The following AP2S1 variants were observed in gnomAD, a reference collection of about 807,000 sequenced individuals.
AP2S1 encodes adaptor related protein complex 2 subunit sigma 1, also known as AP-2 complex subunit sigma.
A neutral mutation model predicts 21.0 loss-of-function variants in AP2S1; 6 were observed. The ratio of observed to expected loss-of-function variants is 0.29; its 90% CI spans 0.16 to 0.56. AP2S1 has a LOEUF of 0.56. Among genes scored for constraint, AP2S1 ranks in the 20% least tolerant of loss-of-function variants. The probability of loss-of-function intolerance (pLI) is 0.92; values close to 1 mark genes in which losing one functional copy is unlikely to be tolerated. For synonymous variants in AP2S1, 63 were observed against 74.6 expected (o/e 0.84, Z 0.80); for missense variants, 60 against 186.2 (o/e 0.32, Z 3.95).
chr19:46,845,920 G>A, intron 2 of AP2S1, 73 bp downstream of exon 2: 1 of 1,595,886 alleles, frequency 6.3e-7, no homozygotes, highest in African/African-American at 1.3e-5. Context: ...CTTGCAACTA[G>A]AAGCTGGGCA....
At chr19:46,842,047 G>A (rs1029258453) in intron 2 of AP2S1, among the ~76,000 whole-genome samples, 2 of 152,110 alleles carry the variant, frequency 1.3e-5, no homozygotes, top group African/African-American at 4.8e-5. Flanking sequence ...TGGGCGTGGT[G>A]GCAGGTCCCT....
chr19:46,838,420 C>G lies in AP2S1; in HGVS notation c.*27G>C, dbSNP rs557063830. The G allele has an allele frequency of 1.2e-6, 2 of 1,608,792 alleles. No individual in the cohort carries two copies. Among genetic ancestry groups the G allele is most frequent in the Non-Finnish European group, 1.7e-6 (2 of 1,175,970 alleles). On this transcript the variant is annotated 3_prime_UTR_variant, in exon 5 of 5. Coordinates refer to ENST00000263270, the MANE Select transcript of AP2S1 (RefSeq NM_004069.6). The surrounding 1 kb of genome is among the most constrained non-coding windows in gnomAD (Gnocchi z 4.1). ...GCGAGCAGGCGAGTCCAGGAGGGGC[C>G]GGGGCCGGGGTGGGGCTCGCCTGCC...
At chr19:46,839,698 T>C in intron 2 of AP2S1, 120 bp from the exon 3 acceptor site, 1 of 1,502,198 alleles carries the variant, frequency 6.7e-7, no homozygotes, top group Non-Finnish European at 8.9e-7. Context: ...GCTCTGTGCC[T>C]GGCCCTGTGC....
At chr19:46,840,367 C>CAAAAAAAAAAAAAAAAAAA (rs60907407) in intron 2 of AP2S1, among the ~76,000 whole-genome samples, 1 of 100,468 alleles carries the variant, frequency 1.0e-5, no homozygotes. Context: ...AGGTTCATTA[C>CAAAAAAAAAAAAAAAAAAA]AAAAAAAAAA....
At chr19:46,843,700 G>A (rs1026407009) in intron 2 of AP2S1, among the ~76,000 whole-genome samples, 3 of 151,974 alleles carry the variant, frequency 2.0e-5, no homozygotes, top group Non-Finnish European at 4.4e-5. Context: ...TCTAGCCTAG[G>A]TAACAGAGTG....
At chr19:46,840,740 TTGAGTCTGGCTC>T (rs1415968456) in intron 2 of AP2S1, among the ~76,000 whole-genome samples, 7 of 149,518 alleles carry the variant, frequency 4.7e-5, no homozygotes, top group African/African-American at 1.5e-4. Context: ...TTTTTTTTTT[TTGAGTCTGGCTC>T]TGACGCCCAG....
At chr19:46,847,440 A>G (rs1353384120) in intron 1 of AP2S1, among the ~76,000 whole-genome samples, 2 of 151,700 alleles carry the variant, frequency 1.3e-5, no homozygotes, top group East Asian at 3.9e-4. Flanking sequence ...CTGGTCTCGA[A>G]CTCCTGGCCT....
chr19:46,842,196 T>C (rs1445726885), intron 2 of AP2S1, among the ~76,000 whole-genome samples: 2 of 151,810 alleles, frequency 1.3e-5, no homozygotes, highest in African/African-American at 2.4e-5. Flanking sequence ...ATAATAATAA[T>C]AACAAGAGGG....
intron 1 of AP2S1, 37 bp downstream of exon 1, chr19:46,850,727 C>G (rs777744561): frequency 2.0e-6 from 3 of 1,522,158 alleles, no homozygotes; most frequent in South Asian, 2.2e-5. Flanking sequence ...CGTGGGCCCC[C>G]CCTCCGCCAG....
At chr19:46,841,740 G>A (rs995112297) in intron 2 of AP2S1, among the ~76,000 whole-genome samples, 3 of 152,234 alleles carry the variant, frequency 2.0e-5, no homozygotes, top group African/African-American at 7.2e-5. Context: ...GTGAATATGG[G>A]ACCTTATATG....
chr19:46,850,583 C>T, intron 1 of AP2S1, 181 bp downstream of exon 1: 1 of 644,494 alleles, frequency 1.6e-6, no homozygotes, highest in South Asian at 2.0e-5. Context: ...GTAACCCCCG[C>T]GCGCAGAATC....
intron 2 of AP2S1, among the ~76,000 whole-genome samples, chr19:46,845,063 C>T (rs2055602555): frequency 7.0e-6 from 1 of 141,950 alleles, no homozygotes; most frequent in Admixed American, 7.3e-5. Context: ...GCCCCCATTG[C>T]ACTCCAGCCT....
intron 2 of AP2S1, among the ~76,000 whole-genome samples, chr19:46,843,494 G>A (rs2055564970): frequency 6.6e-6 from 1 of 152,166 alleles, no homozygotes; most frequent in Non-Finnish European, 1.5e-5. Flanking sequence ...AGCTGCGGTG[G>A]GCGGATCGCT....
At chr19:46,841,511 CA>C (rs1200756817) in intron 2 of AP2S1, among the ~76,000 whole-genome samples, 26 of 152,328 alleles carry the variant, frequency 1.7e-4, no homozygotes, top group Admixed American at 3.9e-4. Context: ...CAGGCTGGGG[CA>C]GGTGTCCCCT....
chr19:46,845,060 T>A (rs1230734058), intron 2 of AP2S1, among the ~76,000 whole-genome samples: 1 of 141,132 alleles, frequency 7.1e-6, no homozygotes, highest in South Asian at 2.2e-4. Context: ...ATTGCCCCCA[T>A]TGCACTCCAG....
In AP2S1 at chr19:46,838,570, G is replaced by A. The variant is rs45527038; in HGVS notation, c.328-22C>T. On this transcript the variant is annotated intron_variant, in intron 4 of 4. Coordinates refer to ENST00000263270, the MANE Select transcript of AP2S1 (RefSeq NM_004069.6). The surrounding 1 kb of genome is among the most constrained non-coding windows in gnomAD (Gnocchi z 4.1). ...AAACCTGTGTGAGGGGAGACCCTGG[G>A]GTGAGACGAGGCCCCCCAGGATGCT... 15,785 of 1,613,108 alleles carry A rather than the reference G, an allele frequency of 9.8e-3. 105 individuals carry two copies. The highest frequency in any genetic ancestry group is 0.012 in the Middle Eastern group (74 of 6,062).
intron 2 of AP2S1, among the ~76,000 whole-genome samples, chr19:46,841,211 C>A (rs1221754093): frequency 2.6e-5 from 4 of 152,170 alleles, no homozygotes; most frequent in Non-Finnish European, 5.9e-5. Flanking sequence ...GCCTCTGCCT[C>A]CCAAAGTGCT....
chr19:46,849,357 A>G (rs2055693692), intron 1 of AP2S1, among the ~76,000 whole-genome samples: 1 of 150,678 alleles, frequency 6.6e-6, no homozygotes, highest in Non-Finnish European at 1.5e-5. Context: ...CCCTCCCCCA[A>G]CCAACCAAAC....
chr19:46,844,671 A>G (rs532564620), intron 2 of AP2S1, among the ~76,000 whole-genome samples: 1 of 152,060 alleles, frequency 6.6e-6, no homozygotes, highest in Non-Finnish European at 1.5e-5. Flanking sequence ...GGTAGTGCAC[A>G]AGCCTGTAGT....
Sources: allele counts gnomAD v4.1 joint callset (sites outside exome capture counted in the v4.1 genomes callset), GRCh38; gene constraint gnomAD v4.1.1; non-coding constraint Gnocchi (gnomAD v3.1); transcripts MANE v1.5; gene names NCBI Gene and HGNC (gene_info 2026-07-23, HGNC 2026-07-21).